The following SULT1B1 variants were observed in gnomAD, a reference collection of about 807,000 sequenced individuals.
SULT1B1 encodes the protein sulfotransferase 1B1.
In SULT1B1, 28 loss-of-function variants were observed where a neutral mutation model predicts 34.6. The ratio of observed to expected loss-of-function variants is 0.81; its 90% CI spans 0.60 to 1.11. SULT1B1 has a LOEUF of 1.11. Ranked by LOEUF, SULT1B1 falls within the 50% of genes least tolerant of loss-of-function variation. The pLI, the probability that SULT1B1 is intolerant of heterozygous loss-of-function variation, is 0.00. For missense variants in SULT1B1, 374 were observed against 352.2 expected, an observed-to-expected ratio of 1.06 and a Z score of -0.50; for synonymous variants, 147 against 110.2, an observed-to-expected ratio of 1.33 and a Z score of -2.09.
At position 69,725,173 on chromosome 4, in the gene SULT1B1, A is replaced by G. The variant is rs554083404; in HGVS notation, c.*1915T>C. ...CTACAAAGAACTCAAACAAATTTAC[A>G]AGAAAAAAAAAACAACCCCATCAAC... is the stretch of plus-strand genomic sequence containing the variant. On this transcript the variant is annotated 3_prime_UTR_variant, in exon 8 of 8. Transcript: ENST00000310613. 8 of 148,514 alleles carry G rather than the reference A, an allele frequency of 5.4e-5. No individual in the cohort carries two copies. Among genetic ancestry groups the G allele is most frequent in the African/African-American group, 2.0e-4 (8 of 40,314 alleles). 9.2% of individuals were successfully genotyped at this position (148,514 alleles called of 1,614,324 possible).
chr4:69,753,045 C>T (rs577126385), intron 3 of SULT1B1, among the ~76,000 whole-genome samples: 12 of 152,282 alleles, frequency 7.9e-5, no homozygotes, highest in African/African-American at 2.4e-4. Flanking sequence ...CTTGGGCAGT[C>T]ACATTGATTC....
chr4:69,734,255 G>A lies in SULT1B1; in HGVS notation c.385C>T (p.Leu129=), dbSNP rs1718209456. 1.9e-6 allele frequency: 3 copies of A among 1,611,252 alleles called. No individual in the cohort carries two copies. The highest frequency in any genetic ancestry group is 2.5e-6 in the Non-Finnish European group (3 of 1,178,756). The change falls in exon 5 of 8, where the codon CTG becomes TTG. Residue 129 remains leucine, a synonymous_variant. Transcript: ENST00000310613. ...GAAACATCCTTGGCATTACGAGCCAGATAAATCATCTGCAGTGGGGGGTGG... is the reference window on the plus strand; with the variant it reads ...GAAACATCCTTGGCATTACGAGCCAAATAAATCATCTGCAGTGGGGGGTGG... ...FWENNCKMIY[L]ARNAKDVSVS...
chr4:69,722,463 T>A lies in SULT1B1; in HGVS notation c.*4625A>T, dbSNP rs865898254. On this transcript the variant is annotated 3_prime_UTR_variant, in exon 8 of 8. Coordinates refer to ENST00000310613, the MANE Select transcript of SULT1B1 (RefSeq NM_014465.4). The stretch of plus-strand genomic sequence containing the variant: ...TAGAGGAAATAGATACATGATTTAG[T>A]TTACTTCTCGTGGACAAGGGTATTG... 6.6e-6 allele frequency: 1 copy of A among 152,122 alleles called. No homozygotes were observed. Among genetic ancestry groups the A allele is most frequent in the Non-Finnish European group, 1.5e-5 (1 of 68,010 alleles). 9.4% of individuals were successfully genotyped at this position (152,122 alleles called of 1,614,324 possible).
At position 69,722,767 on chromosome 4, in the gene SULT1B1, C is replaced by G. The variant is rs547197022; in HGVS notation, c.*4321G>C. On this transcript the variant is annotated 3_prime_UTR_variant, in exon 8 of 8. Coordinates refer to ENST00000310613, the MANE Select transcript of SULT1B1 (RefSeq NM_014465.4). ...ATTCCTGGCTATTCCTGGCTGACAG[C>G]GGAGATTCACCTGTGAAGTCAAAAT... 2.0e-5 allele frequency: 3 copies of G among 151,950 alleles called. No homozygotes were observed. The highest frequency in any genetic ancestry group is 7.2e-5 in the African/African-American group (3 of 41,390). 9.4% of individuals were successfully genotyped at this position (151,950 alleles called of 1,614,324 possible). A position where few individuals can be genotyped will look rare whatever the true frequency, so the allele number is the denominator to read the frequency against.
In SULT1B1 at chr4:69,725,803, A is replaced by G. The variant is rs1321735698; in HGVS notation, c.*1285T>C. 2 of 151,284 alleles carry G rather than the reference A, an allele frequency of 1.3e-5. No homozygotes were observed. The highest frequency in any genetic ancestry group is 2.1e-4 in the South Asian group (1 of 4,784). The allele number at this position is 151,284 out of a possible 1,614,324, so 9.4% of individuals were successfully genotyped here. A position where few individuals can be genotyped will look rare whatever the true frequency, so the allele number is the denominator to read the frequency against. On this transcript the variant is annotated 3_prime_UTR_variant, in exon 8 of 8. Coordinates refer to ENST00000310613, the MANE Select transcript of SULT1B1 (RefSeq NM_014465.4). ...AACCAAACACCTCATGTTCTTAGTC[A>G]TTGGTGGGAATTGAACGATGAGAAC... is the stretch of plus-strand genomic sequence containing the variant.
chr4:69,728,753 C>A (rs1013404850), intron 7 of SULT1B1, among the ~76,000 whole-genome samples: 1 of 151,966 alleles, frequency 6.6e-6, no homozygotes, highest in African/African-American at 2.4e-5. Context: ...ATCCTAAATG[C>A]TTACATATAA....
chr4:69,723,430 G>A lies in SULT1B1; in HGVS notation c.*3658C>T, dbSNP rs575186956. On this transcript the variant is annotated 3_prime_UTR_variant, in exon 8 of 8. Coordinates refer to ENST00000310613, the MANE Select transcript of SULT1B1 (RefSeq NM_014465.4). Reference sequence around the variant, plus strand: ...TCCAGGACCAGATAGATTCACAGCTGAATTCTACCAGAGGTCCAAGGAGGA... The same window carrying A: ...TCCAGGACCAGATAGATTCACAGCTAAATTCTACCAGAGGTCCAAGGAGGA... The A allele has an allele frequency of 1.3e-5, 2 of 152,276 alleles. No individual in the cohort carries two copies. Among genetic ancestry groups the A allele is most frequent in the Non-Finnish European group, 2.9e-5 (2 of 68,040 alleles). The allele number at this position is 152,276 out of a possible 1,614,324, so 9.4% of individuals were successfully genotyped here. A position where few individuals can be genotyped will look rare whatever the true frequency, so the allele number is the denominator to read the frequency against.
At chr4:69,760,259 A>G (rs939667707) in intron 1 of SULT1B1, 200 bp downstream of exon 1, 25 of 980,488 alleles carry the variant, frequency 2.5e-5, no homozygotes, top group Non-Finnish European at 3.0e-5. Context: ...CACTAAATGT[A>G]GAAAAATAAA....
chr4:69,744,370 C>T (rs1290422259), intron 4 of SULT1B1, among the ~76,000 whole-genome samples: 2 of 152,164 alleles, frequency 1.3e-5, no homozygotes, highest in African/African-American at 2.4e-5. Context: ...TGGGTCCTGC[C>T]CGGCCATGCA....
chr4:69,731,310 C>A (rs1407171931), intron 6 of SULT1B1, among the ~76,000 whole-genome samples: 1 of 152,184 alleles, frequency 6.6e-6, no homozygotes, highest in Non-Finnish European at 1.5e-5. Flanking sequence ...AAGTTGCACA[C>A]TCCTTATGAG....
chr4:69,750,404 T>C (rs1011783325), intron 3 of SULT1B1, among the ~76,000 whole-genome samples: 6 of 152,146 alleles, frequency 3.9e-5, no homozygotes, highest in African/African-American at 1.2e-4. Flanking sequence ...CTCTCTAAAG[T>C]CATACAACAA....
chr4:69,746,624 A>G (rs1025778976), intron 4 of SULT1B1, among the ~76,000 whole-genome samples: 1 of 151,832 alleles, frequency 6.6e-6, no homozygotes, highest in African/African-American at 2.4e-5. Context: ...TATTCCTTGG[A>G]TTGGGTTTCA....
chr4:69,758,435 T>C (rs1719272744), intron 1 of SULT1B1: 1 of 985,384 alleles, frequency 1.0e-6, no homozygotes, highest in South Asian at 4.7e-5. Context: ...AAATAGCTCT[T>C]TCTGAAACAT....
chr4:69,730,418 G>A (rs1352718958), intron 7 of SULT1B1, 83 bp downstream of exon 7: 5 of 1,288,340 alleles, frequency 3.9e-6, no homozygotes, highest in Non-Finnish European at 5.3e-6. Context: ...AAGAAACTTA[G>A]TAGAGATCAC....
At position 69,755,307 on chromosome 4, in the gene SULT1B1, T is replaced by A. The variant is rs537186663; in HGVS notation, c.-44-46A>T. ...AAAATCAGAATCTGAGTAACTAATG[T>A]TGGTCTTAAGACACTGCAATTTGTC... On this transcript the variant is annotated intron_variant, in intron 1 of 7. Transcript: ENST00000310613. 1.6e-4 allele frequency: 237 copies of A among 1,469,084 alleles called. 1 individual carries two copies. In the African/African-American group the frequency reaches 3.2e-3, roughly 20 times the overall value. 91.0% of individuals were successfully genotyped at this position (1,469,084 alleles called of 1,614,324 possible). A position where few individuals can be genotyped will look rare whatever the true frequency, so the allele number is the denominator to read the frequency against.
intron 4 of SULT1B1, among the ~76,000 whole-genome samples, chr4:69,737,136 C>T (rs1475542574): frequency 6.6e-6 from 1 of 151,868 alleles, no homozygotes; most frequent in African/African-American, 2.4e-5. Context: ...ATAAAAATCA[C>T]CAATTCAAAT....
rs1441894074 is a variant in SULT1B1, at chr4:69,725,896, T to G, written c.*1192A>C. The G allele has an allele frequency of 2.0e-5, 3 of 150,618 alleles. No homozygotes were observed. In the Admixed American group the frequency reaches 2.0e-4, roughly 10 times the overall value. 9.3% of individuals were successfully genotyped at this position (150,618 alleles called of 1,614,324 possible). ...GTGGGGTGGAGGGAGGGGGGAAGGA[T>G]AGCATTAGGAGGTATACCTAATGTA... On this transcript the variant is annotated 3_prime_UTR_variant, in exon 8 of 8. Transcript: ENST00000310613.
chr4:69,751,360 A>G (rs963553947), intron 3 of SULT1B1, among the ~76,000 whole-genome samples: 2 of 152,208 alleles, frequency 1.3e-5, no homozygotes, highest in Non-Finnish European at 2.9e-5. Context: ...CATTTTGCCA[A>G]GTGAGTCTTT....
rs547319603 is a variant in SULT1B1, at chr4:69,755,156, G to A, written c.62C>T (p.Thr21Ile). The change falls in exon 2 of 8, where the codon ACC becomes ATC. Residue 21 changes from threonine (T) to isoleucine (I), a missense_variant. Coordinates refer to ENST00000310613, the MANE Select transcript of SULT1B1 (RefSeq NM_014465.4). ...TTCCCAGTTGCTTGCAAAAGCACAG[G>A]TCATGGGATAACCATGGACCAACTT... ...DLKLVHGYPM[T>I]CAFASNWEKI... 6.2e-7 allele frequency: 1 copy of A among 1,613,810 alleles called. No homozygotes were observed. The highest frequency in any genetic ancestry group is 1.3e-5 in the African/African-American group (1 of 74,912).
Sources: allele counts gnomAD v4.1 joint callset (sites outside exome capture counted in the v4.1 genomes callset), GRCh38; gene constraint gnomAD v4.1.1; transcripts MANE v1.5; gene names NCBI Gene and HGNC (gene_info 2026-07-23, HGNC 2026-07-21).